KCNT2: variants seen among roughly 807,000 people sequenced by gnomAD.
The protein encoded by KCNT2 is potassium channel subfamily T member 2.
In KCNT2, 67 loss-of-function variants were observed where a neutral mutation model predicts 153.8. The observed-to-expected ratio is 0.44, with a 90% confidence interval of 0.36 to 0.53. The LOEUF (loss-of-function observed/expected upper bound fraction) is 0.53. KCNT2 is among the 20% of genes least tolerant of loss of function. The pLI is 0.00. For missense variants in KCNT2, 975 were observed against 1,354.8 expected (o/e 0.72, Z 4.40); for synonymous variants, 500 against 458.8 (o/e 1.09, Z -1.15).
intron 22 of KCNT2, among the ~76,000 whole-genome samples, chr1:196,299,521 G>T (rs1255575948): frequency 1.3e-5 from 2 of 152,044 alleles, no homozygotes; most frequent in Non-Finnish European, 2.9e-5. Flanking sequence ...TAACGGAAAT[G>T]TAAATCAAGG....
At chr1:196,469,172 A>G (rs921068526) in intron 5 of KCNT2, 104 bp from the exon 6 acceptor site, 1 of 669,702 alleles carries the variant, frequency 1.5e-6, no homozygotes, top group Admixed American at 2.5e-5. Flanking sequence ...GGATGCTTCC[A>G]TTAACAGAAT....
At chr1:196,316,726 T>C (rs1220230557) in intron 20 of KCNT2, among the ~76,000 whole-genome samples, 2 of 151,486 alleles carry the variant, frequency 1.3e-5, no homozygotes, top group African/African-American at 4.9e-5. Flanking sequence ...GTCAGTCTTC[T>C]TCCCTATCAC....
At chr1:196,360,089 A>G (rs938484666) in intron 14 of KCNT2, among the ~76,000 whole-genome samples, 1 of 152,096 alleles carries the variant, frequency 6.6e-6, no homozygotes, top group African/African-American at 2.4e-5. Context: ...CTGCCTAGGA[A>G]AACATTTCTC....
At chr1:196,443,165 C>G (rs947753384) in intron 8 of KCNT2, among the ~76,000 whole-genome samples, 5 of 151,482 alleles carry the variant, frequency 3.3e-5, no homozygotes, top group Non-Finnish European at 1.5e-5. Flanking sequence ...TAATTGCTAT[C>G]TCAGAGATGG....
At chr1:196,383,722 TTTTGAATCACGCATTC>T (rs1468065302) in intron 13 of KCNT2, among the ~76,000 whole-genome samples, 1 of 152,162 alleles carries the variant, frequency 6.6e-6, no homozygotes, top group Non-Finnish European at 1.5e-5. Context: ...AAAAATAAAC[TTTTGAATCACGCATTC>T]TATGAAGACT....
chr1:196,229,204 C>T (rs944372092), intron 27 of KCNT2, among the ~76,000 whole-genome samples: 6 of 151,866 alleles, frequency 4.0e-5, no homozygotes, highest in South Asian at 2.1e-4. Flanking sequence ...CAAGCAAGTC[C>T]GTTGGAGACA....
intron 21 of KCNT2, among the ~76,000 whole-genome samples, chr1:196,309,370 T>C (rs1661940405): frequency 6.6e-6 from 1 of 152,018 alleles, no homozygotes. Context: ...AATAGAAATA[T>C]ACACATATAT....
chr1:196,264,893 AG>A, intron 25 of KCNT2, among the ~76,000 whole-genome samples: 1 of 152,294 alleles, frequency 6.6e-6, no homozygotes, highest in East Asian at 1.9e-4. Flanking sequence ...AACCTCTCAA[AG>A]TGCTGGGATT....
intron 21 of KCNT2, among the ~76,000 whole-genome samples, chr1:196,315,251 G>A (rs1395830480): frequency 6.6e-6 from 1 of 151,550 alleles, no homozygotes; most frequent in Non-Finnish European, 1.5e-5. Flanking sequence ...TATGATTTTA[G>A]GGAGAATTGT....
chr1:196,421,879 G>T (rs943892121), intron 12 of KCNT2, among the ~76,000 whole-genome samples: 2 of 151,996 alleles, frequency 1.3e-5, no homozygotes, highest in African/African-American at 4.8e-5. Context: ...GTATATTGCC[G>T]TCTTCATGTT....
At chr1:196,456,284 G>C (rs1451093517) in intron 8 of KCNT2, among the ~76,000 whole-genome samples, 1 of 151,642 alleles carries the variant, frequency 6.6e-6, no homozygotes, top group South Asian at 2.1e-4. Flanking sequence ...TTTTAAGTAT[G>C]TTTAAAGATC....
intron 19 of KCNT2, among the ~76,000 whole-genome samples, chr1:196,324,711 T>A (rs1052676389): frequency 2.0e-5 from 3 of 152,060 alleles, no homozygotes; most frequent in Non-Finnish European, 4.4e-5. Flanking sequence ...GATGAATTAT[T>A]ATCTGATAAA....
At position 196,315,909 on chromosome 1, in the gene KCNT2, G is replaced by A. The variant is rs376595503; in HGVS notation, c.2466C>T (p.Asn822=). 2.9e-5 allele frequency: 47 copies of A among 1,606,412 alleles called. No individual in the cohort carries two copies. Among genetic ancestry groups the A allele is most frequent in the Admixed American group, 1.2e-4 (7 of 59,068 alleles). The stretch of plus-strand genomic sequence containing the variant: ...CCACTTACCTGAAGAGTGTCTGCAC[G>A]TTCACAATGGTTTTGGCATCTGCCA... ...DYMADAKTIV[N]VQTLFRLFSS... is the part of the protein sequence containing the mutation. Residue 822 remains asparagine (N), a synonymous_variant, in exon 21 of 28, where the codon AAC becomes AAT. Transcript: ENST00000294725.
At chr1:196,589,629 A>G (rs998092212) in intron 1 of KCNT2, among the ~76,000 whole-genome samples, 2 of 152,080 alleles carry the variant, frequency 1.3e-5, no homozygotes, top group African/African-American at 4.8e-5. Flanking sequence ...ATAAAAGTAT[A>G]CAACATGAGT....
chr1:196,530,878 A>G (rs961412945), intron 1 of KCNT2, among the ~76,000 whole-genome samples: 1 of 152,150 alleles, frequency 6.6e-6, no homozygotes, highest in African/African-American at 2.4e-5. Context: ...AGCTCATTTA[A>G]CAATAGGCCA....
At chr1:196,571,059 C>T (rs546651816) in intron 1 of KCNT2, among the ~76,000 whole-genome samples, 2 of 152,172 alleles carry the variant, frequency 1.3e-5, no homozygotes, top group African/African-American at 4.8e-5. Context: ...AAGTAAGCCC[C>T]ATAAAGGCAG....
At chr1:196,535,667 G>C (rs1312504495) in intron 1 of KCNT2, among the ~76,000 whole-genome samples, 1 of 152,160 alleles carries the variant, frequency 6.6e-6, no homozygotes, top group Non-Finnish European at 1.5e-5. Context: ...GTGGTGGGTA[G>C]CTAGTAAAAC....
intron 22 of KCNT2, among the ~76,000 whole-genome samples, chr1:196,299,670 C>G (rs1406007286): frequency 6.6e-6 from 1 of 152,098 alleles, no homozygotes; most frequent in Non-Finnish European, 1.5e-5. Context: ...CAGAGTAGTA[C>G]AGCAATTATG....
intron 20 of KCNT2, chr1:196,317,038 AG>A (rs1285142530): frequency 4.8e-6 from 1 of 208,822 alleles, no homozygotes; most frequent in African/African-American, 2.3e-5. Flanking sequence ...TAAATTGAAG[AG>A]TGAAGTCCCT....
Sources: gnomAD v4.1 joint callset for allele counts (sites outside exome capture counted in the v4.1 genomes callset) on GRCh38, gnomAD v4.1.1 for gene constraint, MANE v1.5 for transcripts, NCBI Gene and HGNC (gene_info 2026-07-23, HGNC 2026-07-21) for gene names.